The following IQSEC3 variants were observed in gnomAD, a reference collection of about 807,000 sequenced individuals.
IQSEC3 encodes the protein IQ motif and SEC7 domain-containing protein 3.
In IQSEC3, 50 loss-of-function variants were observed where a neutral mutation model predicts 105.4. That is an observed-to-expected ratio of 0.47 (90% confidence interval 0.38 to 0.60). IQSEC3 has a LOEUF of 0.60. Among genes scored for constraint, IQSEC3 ranks in the 20% least tolerant of loss-of-function variants. IQSEC3 has a pLI of 0.00. For synonymous variants in IQSEC3, 708 were observed against 746.0 expected (o/e 0.95, Z 0.83); for missense variants, 1,415 against 1,630.0 (o/e 0.87, Z 2.27).
chr12:128,327 T>G (rs1382205527), intron 3 of IQSEC3, among the ~76,000 whole-genome samples: 2 of 152,174 alleles, frequency 1.3e-5, no homozygotes, highest in African/African-American at 2.4e-5. Flanking sequence ...ATGCAGTGCC[T>G]GGCGAAGAAG....
intron 1 of IQSEC3, among the ~76,000 whole-genome samples, chr12:69,249 A>T (rs1863214092): frequency 6.6e-6 from 1 of 152,262 alleles, no homozygotes; most frequent in African/African-American, 2.4e-5. Context: ...GGCCAAGAAG[A>T]GTTGAGGAAA....
intron 5 of IQSEC3, 44 bp from the exon 6 acceptor site, chr12:156,981 C>T (rs1855483780): frequency 6.6e-7 from 1 of 1,521,102 alleles, no homozygotes; most frequent in Non-Finnish European, 8.9e-7. Context: ...TTGGAGGGTG[C>T]TTAGGGTGCC....
chr12:170,972 G>A, intron 12 of IQSEC3, 140 bp from the exon 13 acceptor site: 1 of 971,032 alleles, frequency 1.0e-6, no homozygotes, highest in African/African-American at 1.6e-5. Context: ...AAGTGGCAGA[G>A]TGGGGCTCCC....
At chr12:159,108 A>G (rs1866799016) in intron 7 of IQSEC3, among the ~76,000 whole-genome samples, 2 of 152,244 alleles carry the variant, frequency 1.3e-5, no homozygotes, top group African/African-American at 2.4e-5. Context: ...TCCAAAGCTG[A>G]GTCTGCAAGT....
chr12:151,115 AGCGTGTGTCT>A (rs1866494943), intron 5 of IQSEC3, among the ~76,000 whole-genome samples: 1 of 136,214 alleles, frequency 7.3e-6, no homozygotes, highest in Admixed American at 7.7e-5. Context: ...TCTCTCCTCC[AGCGTGTGTCT>A]GCACCATGAT....
In IQSEC3 at chr12:152,463, A is replaced by G. The variant is rs1555092925; in HGVS notation, c.2154-4562A>G. Among the ~76,000 whole-genome samples the G allele has an allele frequency of 6.6e-6, 1 of 152,176 alleles. No homozygotes were observed. Among genetic ancestry groups the G allele is most frequent in the African/African-American group, 2.4e-5 (1 of 41,444 alleles). ...GGTGAGGGAGAGGAGGGCACAGGGG[A>G]CCACCTGCCCCAGGAGATGTCAGCA... On this transcript the variant is annotated intron_variant, in intron 5 of 13. Transcript: ENST00000538872. The surrounding 1 kb of genome is among the most constrained non-coding windows in gnomAD (Gnocchi z 4.8).
At chr12:136,174 T>C (rs901199467) in intron 3 of IQSEC3, among the ~76,000 whole-genome samples, 18 of 152,172 alleles carry the variant, frequency 1.2e-4, no homozygotes, top group Non-Finnish European at 2.2e-4. Context: ...TTAGTTGCCA[T>C]TTACACATTA....
chr12:120,371 G>A (rs1323312463), intron 2 of IQSEC3, among the ~76,000 whole-genome samples: 2 of 152,168 alleles, frequency 1.3e-5, no homozygotes, highest in African/African-American at 4.8e-5. Flanking sequence ...TGGACGGAGT[G>A]GACAGGTCAC....
intron 2 of IQSEC3, among the ~76,000 whole-genome samples, chr12:125,035 C>T (rs1412770752): frequency 6.6e-6 from 1 of 152,160 alleles, no homozygotes; most frequent in Non-Finnish European, 1.5e-5. Context: ...ATGCCCAAGC[C>T]AGGCCAGGCA....
rs1939194079 is a variant in IQSEC3 at position 174,982 on chromosome 12, C to A, written c.3498C>A (p.Gly1166=). 7 of 1,576,810 alleles carry A rather than the reference C, an allele frequency of 4.4e-6. No homozygotes were observed. Among genetic ancestry groups the A allele is most frequent in the Non-Finnish European group, 6.0e-6 (7 of 1,171,062 alleles). ...YNHPHQFCPP[G]SLLHGHRYSS... is the part of the protein sequence containing the mutation. Reference sequence around the variant, plus strand: ...ACCCTCACCAGTTCTGTCCCCCAGGCTCCCTGCTGCACGGGCACCGCTACT... The same window carrying A: ...ACCCTCACCAGTTCTGTCCCCCAGGATCCCTGCTGCACGGGCACCGCTACT... Residue 1166 remains glycine (G), a synonymous_variant, in exon 14 of 14, where the codon GGC becomes GGA. Transcript: ENST00000538872.
chr12:157,650 C>G lies in IQSEC3; in HGVS notation c.2399C>G (p.Pro800Arg), dbSNP rs1271506006. ...GACATGTACAGCCCCAACATCAAGC[C>G]TGACCGGAAGATGATGCTGGAGGAC... Reference protein sequence around the residue: ...NTDMYSPNIKPDRKMMLEDFI... With the variant: ...NTDMYSPNIKRDRKMMLEDFI... Residue 800 changes from proline (P) to arginine (R), a missense_variant, in exon 7 of 14, where the codon CCT (proline) becomes CGT (arginine). Pro to Arg is a moderately radical substitution (Grantham distance 103). Coordinates refer to ENST00000538872, the MANE Select transcript of IQSEC3 (RefSeq NM_001170738.2). The G allele has an allele frequency of 2.5e-6, 4 of 1,613,984 alleles. No homozygotes were observed. The highest frequency in any genetic ancestry group is 3.4e-6 in the Non-Finnish European group (4 of 1,179,976).
At chr12:162,590 C>G (rs1434991830) in intron 8 of IQSEC3, among the ~76,000 whole-genome samples, 1 of 152,162 alleles carries the variant, frequency 6.6e-6, no homozygotes, top group Non-Finnish European at 1.5e-5. Flanking sequence ...GGTTCCAGTT[C>G]CTCCTCCTCA....
At chr12:146,469 C>T (rs77429721) in intron 5 of IQSEC3, among the ~76,000 whole-genome samples, 1,710 of 152,038 alleles carry the variant, frequency 0.011, 36 homozygotes, top group African/African-American at 0.04. Flanking sequence ...CAAAAGAGAC[C>T]TCATCTCTAC....
At chr12:103,841 G>T (rs1864540694) in intron 2 of IQSEC3, among the ~76,000 whole-genome samples, 1 of 22,802 alleles carries the variant, frequency 4.4e-5, no homozygotes, top group Admixed American at 4.3e-4. Context: ...AGGAGGGAGA[G>T]GTGGAGTTCA....
rs1938960893 is a variant in IQSEC3 at position 171,007 on chromosome 12, T to C, written c.3065-105T>C. 1.4e-5 allele frequency: 20 copies of C among 1,406,746 alleles called. No homozygotes were observed. In the South Asian group the frequency reaches 2.3e-4, roughly 16 times the overall value. 87.1% of individuals were successfully genotyped at this position (1,406,746 alleles called of 1,614,324 possible). A position where few individuals can be genotyped will look rare whatever the true frequency, so the allele number is the denominator to read the frequency against. ...CAACCTCCGCCTCAGTGAGGAGCAG[T>C]GTGACCCCAAGTCTTAGCTGCAGAG... is the stretch of plus-strand genomic sequence containing the variant. On this transcript the variant is annotated intron_variant, in intron 12 of 13. Coordinates refer to ENST00000538872, the MANE Select transcript of IQSEC3 (RefSeq NM_001170738.2).
intron 1 of IQSEC3, among the ~76,000 whole-genome samples, chr12:97,493 C>T (rs1864275636): frequency 6.6e-6 from 1 of 152,080 alleles, no homozygotes; most frequent in Admixed American, 6.6e-5. Flanking sequence ...AAACATATAA[C>T]CTTTCTGGAA....
At chr12:117,530 A>G (rs1949021456) in intron 2 of IQSEC3, among the ~76,000 whole-genome samples, 1 of 152,126 alleles carries the variant, frequency 6.6e-6, no homozygotes, top group African/African-American at 2.4e-5. Flanking sequence ...GGAGGGCTCC[A>G]CATTCGCCCA....
At position 96,192 on chromosome 12, in the gene IQSEC3, G is replaced by A. The variant is rs182972717; in HGVS notation, c.555-2954G>A. The stretch of plus-strand genomic sequence containing the variant: ...AGGGTGGGACAATTTGAAATATGGC[G>A]GTCACAGGTGGATTCAAAGATTTTC... On this transcript the variant is annotated intron_variant, in intron 1 of 13. Coordinates refer to ENST00000538872, the MANE Select transcript of IQSEC3 (RefSeq NM_001170738.2). Among the ~76,000 whole-genome samples, 9 of 152,240 alleles carry A rather than the reference G, an allele frequency of 5.9e-5. No individual in the cohort carries two copies. The South Asian group carries it at 6.2e-4, about 11-fold the overall frequency.
chr12:138,323 C>T lies in IQSEC3; in HGVS notation c.960C>T (p.Cys320=), dbSNP rs1555087071. The change falls in exon 4 of 14, where the codon TGC becomes TGT. Residue 320 remains cysteine (C), a synonymous_variant. Coordinates refer to ENST00000538872, the MANE Select transcript of IQSEC3 (RefSeq NM_001170738.2). This position sits in a 1 kb window ranked among gnomAD's most constrained non-coding sequence, Gnocchi z 7.1. The part of the protein sequence containing the change: ...GGHLVSRRAA[C]TIQTAFRQYQ... Reference sequence around the variant, plus strand: ...ACCTGGTGTCCCGGCGCGCCGCTTGCACCATCCAAACCGCCTTCCGCCAAT... The same window carrying T: ...ACCTGGTGTCCCGGCGCGCCGCTTGTACCATCCAAACCGCCTTCCGCCAAT... 3.1e-6 allele frequency: 5 copies of T among 1,613,818 alleles called. No individual in the cohort carries two copies. The highest frequency in any genetic ancestry group is 4.2e-6 in the Non-Finnish European group (5 of 1,180,018).
Sources: gnomAD v4.1 joint callset for allele counts (sites outside exome capture counted in the v4.1 genomes callset) on GRCh38, gnomAD v4.1.1 for gene constraint, Gnocchi (gnomAD v3.1) non-coding constraint, MANE v1.5 for transcripts, NCBI Gene and HGNC (gene_info 2026-07-23, HGNC 2026-07-21) for gene names.